HEPACAM: variants seen among roughly 807,000 people sequenced by gnomAD.
HEPACAM encodes the protein hepatocyte cell adhesion molecule.
A neutral mutation model predicts 38.3 loss-of-function variants in HEPACAM; 18 were observed. The observed-to-expected ratio is 0.47, with a 90% CI of 0.33 to 0.70. The LOEUF (loss-of-function observed/expected upper bound fraction) is 0.70, where lower values mean the gene tolerates loss of function less well. HEPACAM is among the 30% of genes least tolerant of loss of function. The pLI, the probability that HEPACAM is intolerant of heterozygous loss-of-function variation, is 0.03. For missense variants in HEPACAM, 466 were observed against 563.0 expected (o/e 0.83, Z 1.74); for synonymous variants, 216 against 243.1 (o/e 0.89, Z 1.04).
intron 1 of HEPACAM, among the ~76,000 whole-genome samples, chr11:124,929,459 C>T (rs1195472538): frequency 6.6e-6 from 1 of 152,066 alleles, no homozygotes; most frequent in Non-Finnish European, 1.5e-5. Context: ...TTCAGGGTTC[C>T]ACAACTTTCA....
Position 124,921,496 on chromosome 11 carries a change from G to T in HEPACAM, c.949-56C>A. The T allele has an allele frequency of 8.9e-7, 1 of 1,128,876 alleles. No individual in the cohort carries two copies. Among genetic ancestry groups the T allele is most frequent in the Non-Finnish European group, 1.1e-6 (1 of 890,422 alleles). 69.9% of individuals were successfully genotyped at this position (1,128,876 alleles called of 1,614,324 possible). ...GACAGTCAGCCCAGCCTGGGAGCGC[G>T]CCTGGTGTTAGAGCTTGCTGGAATT... is the stretch of plus-strand genomic sequence containing the variant. On this transcript the variant is annotated intron_variant, in intron 6 of 6. Coordinates refer to ENST00000298251, the MANE Select transcript of HEPACAM (RefSeq NM_152722.5). The surrounding 1 kb of genome is among the most constrained non-coding windows in gnomAD (Gnocchi z 4.6).
At chr11:124,926,571 AC>A in intron 1 of HEPACAM, among the ~76,000 whole-genome samples, 1 of 152,198 alleles carries the variant, frequency 6.6e-6, no homozygotes, top group South Asian at 2.1e-4. Context: ...CAATCCAACC[AC>A]CCGAAGGAGG....
intron 1 of HEPACAM, among the ~76,000 whole-genome samples, chr11:124,926,614 G>A (rs531789311): frequency 6.6e-6 from 1 of 152,204 alleles, no homozygotes; most frequent in South Asian, 2.1e-4. Context: ...TTGGGAGCAG[G>A]GCTGAGTTTA....
At chr11:124,935,153 C>T (rs1022734007) in intron 1 of HEPACAM, among the ~76,000 whole-genome samples, 5 of 152,196 alleles carry the variant, frequency 3.3e-5, no homozygotes, top group Admixed American at 2.6e-4. Context: ...AACACCCCCT[C>T]CACCAGCACC....
In HEPACAM at chr11:124,919,910, C is replaced by T. The variant is rs938319629; in HGVS notation, c.*1228G>A. 6.2e-7 allele frequency: 1 copy of T among 1,614,128 alleles called. No homozygotes were observed. Among genetic ancestry groups the T allele is most frequent in the East Asian group, 2.2e-5 (1 of 44,876 alleles). ...TTTCAGCTTTTTAATTGCCCTCTCT[C>T]CTCACACAGTAGATTACTGCCACTC... On this transcript the variant is annotated 3_prime_UTR_variant, in exon 7 of 7. Coordinates refer to ENST00000298251, the MANE Select transcript of HEPACAM (RefSeq NM_152722.5).
In HEPACAM at chr11:124,921,971, C is replaced by A. The variant is rs1366099055; in HGVS notation, c.948+417G>T. 6.6e-6 allele frequency among the ~76,000 whole-genome samples: 1 copy of A among 152,226 alleles called. No individual in the cohort carries two copies. Among genetic ancestry groups the A allele is most frequent in the African/African-American group, 2.4e-5 (1 of 41,458 alleles). ...GGTCCATAGCCTGTTAGGAAGGGAG[C>A]GGCAGAGCAGGAGGTGAGCGGTAGG... On this transcript the variant is annotated intron_variant, in intron 6 of 6. Transcript: ENST00000298251. This position sits in a 1 kb window ranked among gnomAD's most constrained non-coding sequence, Gnocchi z 4.6.
At chr11:124,925,126 C>A in intron 1 of HEPACAM, 57 bp from the exon 2 acceptor site, 1 of 1,378,906 alleles carries the variant, frequency 7.3e-7, no homozygotes, top group East Asian at 2.3e-5. Flanking sequence ...CTCCTTAGCC[C>A]ACTCCCAACT....
rs978966855 is a variant in HEPACAM, at chr11:124,920,529, C to G, written c.*609G>C. On this transcript the variant is annotated 3_prime_UTR_variant, in exon 7 of 7. Coordinates refer to ENST00000298251, the MANE Select transcript of HEPACAM (RefSeq NM_152722.5). ...CCTTCCCTCACCACCTTGTAGGTCC[C>G]CAGGTACCAGGTGCCCAGGGAAGAA... 13 of 1,425,016 alleles carry G rather than the reference C, an allele frequency of 9.1e-6. No individual in the cohort carries two copies. The African/African-American group carries it at 1.9e-4, about 20-fold the overall frequency. The allele number at this position is 1,425,016 out of a possible 1,614,324, so 88.3% of individuals were successfully genotyped here.
At chr11:124,932,222 T>A (rs1042970778) in intron 1 of HEPACAM, among the ~76,000 whole-genome samples, 1 of 152,156 alleles carries the variant, frequency 6.6e-6, no homozygotes, top group Non-Finnish European at 1.5e-5. Context: ...TAATTTTTAA[T>A]AAACAATTTA....
Position 124,920,744 on chromosome 11 carries a change from G to C in HEPACAM, c.*394C>G, listed in dbSNP as rs1947120366. On this transcript the variant is annotated 3_prime_UTR_variant, in exon 7 of 7. Transcript: ENST00000298251. ...CACTCAGGCATTTGTTCAGAGGGAA[G>C]GGTGGTGGGTGGGAAACAACACAGC... 2 of 1,057,170 alleles carry C rather than the reference G, an allele frequency of 1.9e-6. No homozygotes were observed. Among genetic ancestry groups the C allele is most frequent in the South Asian group, 4.0e-5 (1 of 25,250 alleles). The allele number at this position is 1,057,170 out of a possible 1,614,324, so 65.5% of individuals were successfully genotyped here.
In HEPACAM at chr11:124,935,959, G is replaced by T; in HGVS notation, c.48C>A (p.Arg16=). 6.2e-7 allele frequency: 1 copy of T among 1,614,022 alleles called. No homozygotes were observed. Among genetic ancestry groups the T allele is most frequent in the Non-Finnish European group, 8.5e-7 (1 of 1,179,986 alleles). ...GAAGAAGGTAGACAAAAGGAGCAAG[G>T]CGCAGGGCCCTGGAGGCTCTGGACA... ...GALSRASRAL[R]LAPFVYLLLI... The change falls in exon 1 of 7, where the codon CGC becomes CGA. Residue 16 remains arginine (R), a synonymous_variant. Transcript: ENST00000298251.
rs1947105705 is a variant in HEPACAM, at chr11:124,920,072, C to A, written c.*1066G>T. ...GGGACCTGAGCATGTGGGAGCAGGG[C>A]AGATGGGTGGCAGGAGGCCAGGGGT... On this transcript the variant is annotated 3_prime_UTR_variant, in exon 7 of 7. Transcript: ENST00000298251. 6.4e-7 allele frequency: 1 copy of A among 1,561,886 alleles called. No individual in the cohort carries two copies. The highest frequency in any genetic ancestry group is 8.7e-7 in the Non-Finnish European group (1 of 1,151,208).
chr11:124,924,683 G>C lies in HEPACAM; in HGVS notation c.427+45C>G. 3 of 1,546,586 alleles carry C rather than the reference G, an allele frequency of 1.9e-6. No homozygotes were observed. The highest frequency in any genetic ancestry group is 2.7e-6 in the Non-Finnish European group (3 of 1,118,722). On this transcript the variant is annotated intron_variant, in intron 2 of 6. Transcript: ENST00000298251. The surrounding 1 kb of genome is among the most constrained non-coding windows in gnomAD (Gnocchi z 4.4). ...GGTGCGCTGGGCAGACCTTTCCCTA[G>C]TCCCACCTGCCAGTCTTGCCTCTTT...
At position 124,924,851 on chromosome 11, in the gene HEPACAM, A is replaced by C. The variant is rs1313532506; in HGVS notation, c.304T>G (p.Phe102Val). 1.9e-6 allele frequency: 3 copies of C among 1,614,186 alleles called. No homozygotes were observed. Among genetic ancestry groups the C allele is most frequent in the Non-Finnish European group, 2.5e-6 (3 of 1,180,034 alleles). Residue 102 changes from phenylalanine to valine, a missense_variant, in exon 2 of 7, where the codon TTT (phenylalanine) becomes GTT (valine). By Grantham distance (50) the Phe-to-Val change is conservative (BLOSUM62 -1). Coordinates refer to ENST00000298251, the MANE Select transcript of HEPACAM (RefSeq NM_152722.5). The surrounding 1 kb of genome is among the most constrained non-coding windows in gnomAD (Gnocchi z 4.4). ...CTGAGAAGCAGGGAGCCATTTTCAAAGAGTCGGATACGGTCTCGATAGTCA... is the reference window on the plus strand; with the variant it reads ...CTGAGAAGCAGGGAGCCATTTTCAACGAGTCGGATACGGTCTCGATAGTCA... ...RPDYRDRIRL[F>V]ENGSLLLSDL...
intron 1 of HEPACAM, among the ~76,000 whole-genome samples, chr11:124,925,652 G>C (rs553636818): frequency 6.6e-6 from 1 of 152,112 alleles, no homozygotes; most frequent in African/African-American, 2.4e-5. Flanking sequence ...TAGTTATACC[G>C]AGAGCCTCTT....
intron 1 of HEPACAM, among the ~76,000 whole-genome samples, chr11:124,927,185 C>A (rs1478181490): frequency 6.6e-6 from 1 of 151,772 alleles, no homozygotes; most frequent in Non-Finnish European, 1.5e-5. Context: ...ATATTAGATC[C>A]ATTTTTGGAA....
At chr11:124,929,115 T>C (rs1260740759) in intron 1 of HEPACAM, among the ~76,000 whole-genome samples, 1 of 152,196 alleles carries the variant, frequency 6.6e-6, no homozygotes, top group East Asian at 1.9e-4. Flanking sequence ...TCCTGGAGCT[T>C]CCCTGGCTTC....
Position 124,919,615 on chromosome 11 carries a change from T to C in HEPACAM, c.*1523A>G. ...TTTAGGGGAGCTGCGAAGGCACACC[T>C]GCTCAAATGAGCCTGGGGAAGTGCC... On this transcript the variant is annotated 3_prime_UTR_variant, in exon 7 of 7. Coordinates refer to ENST00000298251, the MANE Select transcript of HEPACAM (RefSeq NM_152722.5). 1 of 982,368 alleles carries C rather than the reference T, an allele frequency of 1.0e-6. No homozygotes were observed. The highest frequency in any genetic ancestry group is 1.5e-6 in the Non-Finnish European group (1 of 671,650). The allele number at this position is 982,368 out of a possible 1,614,324, so 60.9% of individuals were successfully genotyped here.
At chr11:124,929,320 G>A (rs1947256171) in intron 1 of HEPACAM, among the ~76,000 whole-genome samples, 1 of 152,140 alleles carries the variant, frequency 6.6e-6, no homozygotes, top group Admixed American at 6.5e-5. Flanking sequence ...CATGTCCGTG[G>A]GCCAAAAGGA....
Sources: gnomAD v4.1 joint callset for allele counts (sites outside exome capture counted in the v4.1 genomes callset) on GRCh38, gnomAD v4.1.1 for gene constraint, Gnocchi (gnomAD v3.1) non-coding constraint, MANE v1.5 for transcripts, NCBI Gene and HGNC (gene_info 2026-07-23, HGNC 2026-07-21) for gene names.